PIWIL2: variants seen among roughly 807,000 people sequenced by gnomAD.
The protein encoded by PIWIL2 is piwi like RNA-mediated gene silencing 2.
PIWIL2 carries 81 observed loss-of-function variants against 116.5 expected under a neutral mutation model. The ratio of observed to expected loss-of-function variants is 0.70; its 90% CI spans 0.58 to 0.84. PIWIL2 has a LOEUF of 0.84. PIWIL2 is among the 40% of genes least tolerant of loss of function. The pLI, the probability that PIWIL2 is intolerant of heterozygous loss-of-function variation, is 0.00. For missense variants in PIWIL2, 1,272 were observed against 1,212.3 expected (o/e 1.05, Z -0.73); for synonymous variants, 489 against 429.5 (o/e 1.14, Z -1.71).
At chr8:22,300,326 CATT>C (rs1489305072) in intron 10 of PIWIL2, among the ~76,000 whole-genome samples, 1 of 152,124 alleles carries the variant, frequency 6.6e-6, no homozygotes, top group Non-Finnish European at 1.5e-5. Flanking sequence ...AAATCATTCA[CATT>C]GTTGTATGTT....
At chr8:22,327,311 C>G (rs1290713119) in intron 20 of PIWIL2, among the ~76,000 whole-genome samples, 1 of 148,802 alleles carries the variant, frequency 6.7e-6, no homozygotes, top group Non-Finnish European at 1.5e-5. Context: ...TGAGGCACCA[C>G]GCCTGGCCTT....
intron 10 of PIWIL2, among the ~76,000 whole-genome samples, chr8:22,298,993 A>T (rs1374726652): frequency 6.6e-6 from 1 of 152,188 alleles, no homozygotes; most frequent in Non-Finnish European, 1.5e-5. Context: ...TTGATTTAAC[A>T]GGCTTAAAAC....
At chr8:22,345,232 A>G (rs1426550027) in intron 20 of PIWIL2, among the ~76,000 whole-genome samples, 2 of 152,248 alleles carry the variant, frequency 1.3e-5, no homozygotes, top group Admixed American at 6.5e-5. Context: ...ACATGACCCA[A>G]GAATTCTAGT....
chr8:22,308,168 T>A, intron 14 of PIWIL2, 95 bp downstream of exon 14: 1 of 1,055,646 alleles, frequency 9.5e-7, no homozygotes, highest in Non-Finnish European at 1.3e-6. Flanking sequence ...ATTTTGAATG[T>A]TTGTCCATGT....
chr8:22,311,341 T>A, intron 16 of PIWIL2, 41 bp downstream of exon 16: 2 of 1,440,638 alleles, frequency 1.4e-6, no homozygotes, highest in Admixed American at 1.8e-5. Flanking sequence ...ATGTCCATTT[T>A]AAATTACTTA....
rs1249884015 is a variant in PIWIL2, at chr8:22,357,131, A to C, written c.*1626A>C. ...TACTAAAATTAAAATGATATAGAGA[A>C]GATTAGCATATAGAAAAAAAGAAAA... On this transcript the variant is annotated 3_prime_UTR_variant, in exon 23 of 23. Transcript: ENST00000356766. 1 of 152,234 alleles carries C rather than the reference A, an allele frequency of 6.6e-6. No homozygotes were observed. The highest frequency in any genetic ancestry group is 1.5e-5 in the Non-Finnish European group (1 of 68,058). The allele number at this position is 152,234 out of a possible 1,614,324, so 9.4% of individuals were successfully genotyped here.
chr8:22,347,516 C>CTTTT (rs1218303089), intron 20 of PIWIL2, among the ~76,000 whole-genome samples: 988 of 98,458 alleles, frequency 0.01, no homozygotes, highest in East Asian at 0.019. Context: ...TGTGCCTGGC[C>CTTTT]TTTTTTTTTT....
rs760913894 is a variant in PIWIL2 at position 22,353,764 on chromosome 8, C to CTTTTTTTTTTTTTTTTTTTTT, written c.2658-499_2658-479dup. Among the ~76,000 whole-genome samples the CTTTTTTTTTTTTTTTTTTTTT allele has an allele frequency of 8.8e-5, 6 of 68,364 alleles. 1 individual carries two copies. Among genetic ancestry groups the CTTTTTTTTTTTTTTTTTTTTT allele is most frequent in the Admixed American group, 4.1e-4 (2 of 4,876 alleles). 44.8% of individuals were successfully genotyped at this position (68,364 alleles called of 152,430 possible). A position where few individuals can be genotyped will look rare whatever the true frequency, so the allele number is the denominator to read the frequency against. ...CAGGAAGATAAGGGAGTTTCTACCA[C>CTTTTTTTTTTTTTTTTTTTTT]TTTTTTTTTTTTTTTTTTTTTTTTT... On this transcript the variant is annotated intron_variant, in intron 21 of 22. Transcript: ENST00000356766.
Position 22,352,911 on chromosome 8 carries a change from C to T in PIWIL2, c.2404-48C>T, listed in dbSNP as rs201282510. The T allele has an allele frequency of 8.0e-5, 125 of 1,571,308 alleles. No individual in the cohort carries two copies. The East Asian group carries it at 1.3e-3, about 16-fold the overall frequency. On this transcript the variant is annotated intron_variant, in intron 20 of 22. Transcript: ENST00000356766. Reference sequence around the variant, plus strand: ...AGTGGGCCTCTCACTGACTGTGGTCCGTAGCCTGAGGGCTCTGTGAGTCAC... The same window carrying T: ...AGTGGGCCTCTCACTGACTGTGGTCTGTAGCCTGAGGGCTCTGTGAGTCAC...
At chr8:22,325,072 G>A (rs76969125) in intron 20 of PIWIL2, among the ~76,000 whole-genome samples, 9,197 of 152,196 alleles carry the variant, frequency 0.06, 347 homozygotes, top group Admixed American at 0.092. Context: ...CCAGCTTCTG[G>A]CACCTACAGT....
chr8:22,350,596 C>CA (rs1832330983), intron 20 of PIWIL2, among the ~76,000 whole-genome samples: 2 of 151,812 alleles, frequency 1.3e-5, no homozygotes, highest in South Asian at 4.2e-4. Context: ...GACCCCATCT[C>CA]AAAAAAATAA....
At chr8:22,351,314 A>T (rs534150348) in intron 20 of PIWIL2, among the ~76,000 whole-genome samples, 42 of 149,744 alleles carry the variant, frequency 2.8e-4, no homozygotes, top group African/African-American at 9.6e-4. Context: ...TGAGACCTCA[A>T]TTCTTAAAAA....
intron 20 of PIWIL2, among the ~76,000 whole-genome samples, chr8:22,334,908 A>C (rs1176875617): frequency 1.3e-5 from 2 of 152,046 alleles, no homozygotes; most frequent in Non-Finnish European, 2.9e-5. Flanking sequence ...TTCAAAAATT[A>C]GGTGGGCGTG....
At chr8:22,302,528 AG>A (rs1159260743) in intron 10 of PIWIL2, among the ~76,000 whole-genome samples, 1 of 152,058 alleles carries the variant, frequency 6.6e-6, no homozygotes, top group Non-Finnish European at 1.5e-5. Context: ...TTGAGACTAA[AG>A]ACTCTGTTAT....
chr8:22,357,137 G>T lies in PIWIL2; in HGVS notation c.*1632G>T, dbSNP rs1832505444. ...AATTAAAATGATATAGAGAAGATTA[G>T]CATATAGAAAAAAAGAAAAAAGATT... On this transcript the variant is annotated 3_prime_UTR_variant, in exon 23 of 23. Transcript: ENST00000356766. The T allele has an allele frequency of 1.3e-5, 2 of 152,104 alleles. No individual in the cohort carries two copies. The highest frequency in any genetic ancestry group is 2.1e-4 in the South Asian group (1 of 4,824). 9.4% of individuals were successfully genotyped at this position (152,104 alleles called of 1,614,324 possible). A position where few individuals can be genotyped will look rare whatever the true frequency, so the allele number is the denominator to read the frequency against.
At chr8:22,313,516 A>G (rs1170333175) in intron 16 of PIWIL2, among the ~76,000 whole-genome samples, 1 of 152,202 alleles carries the variant, frequency 6.6e-6, no homozygotes, top group African/African-American at 2.4e-5. Flanking sequence ...TCCAGTCCAT[A>G]GGCTCCCAGT....
At position 22,353,764 on chromosome 8, in the gene PIWIL2, C is replaced by CTTTTTTTT. The variant is rs760913894; in HGVS notation, c.2658-486_2658-479dup. ...CAGGAAGATAAGGGAGTTTCTACCACTTTTTTTTTTTTTTTTTTTTTTTTT... is the reference window on the plus strand; with the variant it reads ...CAGGAAGATAAGGGAGTTTCTACCACTTTTTTTTTTTTTTTTTTTTTTTTTTTTTTTTT... On this transcript the variant is annotated intron_variant, in intron 21 of 22. Transcript: ENST00000356766. 5.4e-3 allele frequency among the ~76,000 whole-genome samples: 372 copies of CTTTTTTTT among 68,346 alleles called. 73 individuals are homozygous for CTTTTTTTT. Among genetic ancestry groups the CTTTTTTTT allele is most frequent in the Middle Eastern group, 0.016 (1 of 64 alleles). 44.8% of individuals were successfully genotyped at this position (68,346 alleles called of 152,430 possible).
At chr8:22,278,901 T>A (rs936838156) in intron 1 of PIWIL2, among the ~76,000 whole-genome samples, 1 of 152,146 alleles carries the variant, frequency 6.6e-6, no homozygotes, top group Non-Finnish European at 1.5e-5. Context: ...TCTGTCACTG[T>A]CTCCCATCAC....
chr8:22,284,923 C>T (rs1251617477), intron 6 of PIWIL2, among the ~76,000 whole-genome samples: 1 of 151,984 alleles, frequency 6.6e-6, no homozygotes, highest in Non-Finnish European at 1.5e-5. Context: ...TTTGAAATAC[C>T]TGTGAAGAAA....
Sources: gnomAD v4.1 joint callset for allele counts (sites outside exome capture counted in the v4.1 genomes callset) on GRCh38, gnomAD v4.1.1 for gene constraint, MANE v1.5 for transcripts, NCBI Gene and HGNC (gene_info 2026-07-23, HGNC 2026-07-21) for gene names.